The following RUNX3 variants were observed in gnomAD, a reference collection of about 807,000 sequenced individuals.
RUNX3 encodes the protein RUNX family transcription factor 3.
A neutral mutation model predicts 27.7 loss-of-function variants in RUNX3; 10 were observed. The ratio of observed to expected loss-of-function variants is 0.36; its 90% CI spans 0.22 to 0.61. The LOEUF (loss-of-function observed/expected upper bound fraction) is 0.61. Among genes scored for constraint, RUNX3 ranks in the 20% least tolerant of loss-of-function variants. The pLI is 0.72. For missense variants in RUNX3, 469 were observed against 629.5 expected, an observed-to-expected ratio of 0.75 and a Z score of 2.73; for synonymous variants, 270 against 269.2, an observed-to-expected ratio of 1.00 and a Z score of -0.03.
intron 2 of RUNX3, among the ~76,000 whole-genome samples, chr1:24,951,588 G>T (rs1641768157): frequency 6.6e-6 from 1 of 152,214 alleles, no homozygotes; most frequent in Non-Finnish European, 1.5e-5. Context: ...AGTCGCTCCA[G>T]CCTCTCTAGG....
At chr1:24,958,952 A>T (rs1277331613) in intron 2 of RUNX3, among the ~76,000 whole-genome samples, 1 of 152,140 alleles carries the variant, frequency 6.6e-6, no homozygotes, top group Non-Finnish European at 1.5e-5. Context: ...TGGCAATAAG[A>T]GCTGGTGTTG....
At chr1:24,908,177 G>C (rs111733290) in intron 3 of RUNX3, among the ~76,000 whole-genome samples, 37,389 of 63,034 alleles carry the variant, frequency 0.59, 10,289 homozygotes, top group African/African-American at 0.75. Flanking sequence ...GTGATCCGAA[G>C]CTCTACGACA....
At position 24,907,285 on chromosome 1, in the gene RUNX3, C is replaced by G. The variant is rs1240368756; in HGVS notation, c.677G>C (p.Ser226Thr). ...TTGGATTGGGGTCTGGGGCTGGCTGCTGAAGTGGCTTGTGGTGCTGAGTGA... is the reference window on the plus strand; with the variant it reads ...TTGGATTGGGGTCTGGGGCTGGCTGGTGAAGTGGCTTGTGGTGCTGAGTGA... ...RGSLSTTSHF[S>T]SQPQTPIQGT... The change falls in exon 4 of 5, where the codon AGC becomes ACC. Residue 226 changes from serine (S) to threonine (T), a missense_variant. Around this residue, in one of 3 missense-constraint regions of RUNX3, gnomAD observed 279 missense variants for 343.0 expected, o/e 0.81. Transcript: ENST00000308873. 2 of 1,612,476 alleles carry G rather than the reference C, an allele frequency of 1.2e-6. No individual in the cohort carries two copies. The highest frequency in any genetic ancestry group is 2.7e-5 in the African/African-American group (2 of 74,914).
chr1:24,945,688 T>A (rs1455381563), intron 2 of RUNX3, among the ~76,000 whole-genome samples: 2 of 152,210 alleles, frequency 1.3e-5, no homozygotes, highest in Non-Finnish European at 2.9e-5. Context: ...TCTAATGTTA[T>A]CTCCCTACCC....
At position 24,962,898 on chromosome 1, in the gene RUNX3, C is replaced by T. The variant is rs893883628; in HGVS notation, c.58+1616G>A. The T allele has an allele frequency of 3.3e-5, 5 of 152,236 alleles. No homozygotes were observed. Among genetic ancestry groups the T allele is most frequent in the African/African-American group, 1.2e-4 (5 of 41,450 alleles). The allele number at this position is 152,236 out of a possible 1,614,324, so 9.4% of individuals were successfully genotyped here. On this transcript the variant is annotated intron_variant, in intron 2 of 6. Transcript: ENST00000338888. This position sits in a 1 kb window ranked among gnomAD's most constrained non-coding sequence, Gnocchi z 4.5. ...TGTTTTAAACCCTACATTTCTCCAT[C>T]TTGCGCACGGAAGGAGAAATACAGA...
At chr1:24,961,033 C>G (rs1009734466) in intron 2 of RUNX3, among the ~76,000 whole-genome samples, 1 of 152,194 alleles carries the variant, frequency 6.6e-6, no homozygotes, top group Non-Finnish European at 1.5e-5. Flanking sequence ...CTCTTCTCAC[C>G]TCCTGCTCAC....
chr1:24,909,760 C>A (rs928888485), intron 3 of RUNX3, among the ~76,000 whole-genome samples: 1 of 152,220 alleles, frequency 6.6e-6, no homozygotes. Flanking sequence ...CAGGGCTGAC[C>A]CGAGGAAAGG....
intron 3 of RUNX3, among the ~76,000 whole-genome samples, chr1:24,914,669 G>C (rs1486399996): frequency 6.6e-6 from 1 of 152,104 alleles, no homozygotes; most frequent in Non-Finnish European, 1.5e-5. Context: ...GGCAGACTCC[G>C]CTAGCCCTGC....
intron 2 of RUNX3, among the ~76,000 whole-genome samples, chr1:24,958,829 G>A (rs550702693): frequency 6.6e-6 from 1 of 152,228 alleles, no homozygotes; most frequent in Non-Finnish European, 1.5e-5. Context: ...AGCAGAGGGG[G>A]TGTTTGGGTT....
intron 2 of RUNX3, among the ~76,000 whole-genome samples, chr1:24,936,527 A>C (rs916807827): frequency 5.9e-5 from 9 of 152,212 alleles, no homozygotes; most frequent in Non-Finnish European, 1.3e-4. Context: ...GGGCTCTGAG[A>C]TATCAAATCC....
intron 2 of RUNX3, among the ~76,000 whole-genome samples, chr1:24,939,695 C>T (rs1270624467): frequency 1.3e-5 from 2 of 152,378 alleles, no homozygotes; most frequent in Admixed American, 1.3e-4. Context: ...GGTTTGCCCC[C>T]CTGGGGCTTC....
chr1:24,906,656 T>C (rs1640669956), intron 4 of RUNX3, among the ~76,000 whole-genome samples: 1 of 152,204 alleles, frequency 6.6e-6, no homozygotes, highest in South Asian at 2.1e-4. Context: ...AGACCCCAGC[T>C]CGGTCTTCCC....
Position 24,902,877 on chromosome 1 carries a change from C to T in RUNX3, c.704-211G>A, listed in dbSNP as rs968942663. On this transcript the variant is annotated intron_variant, in intron 4 of 4. Transcript: ENST00000308873. This position sits in a 1 kb window ranked among gnomAD's most constrained non-coding sequence, Gnocchi z 9.2. ...CCGGGAAGCTGGTTGGAGCGTGCCC[C>T]GGGCCAAGAGGGGCCATGGGAGCCC... 6.6e-6 allele frequency among the ~76,000 whole-genome samples: 1 copy of T among 151,636 alleles called. No homozygotes were observed. Among genetic ancestry groups the T allele is most frequent in the African/African-American group, 2.4e-5 (1 of 41,410 alleles).
At chr1:24,964,734 T>C (rs544759394) in intron 1 of RUNX3, 16 of 1,445,860 alleles carry the variant, frequency 1.1e-5, no homozygotes, top group East Asian at 1.0e-4. Flanking sequence ...GTCTCTTTTT[T>C]CCCCCCTGCT....
At position 24,964,037 on chromosome 1, in the gene RUNX3, C is replaced by G. The variant is rs1048682955; in HGVS notation, c.58+477G>C. ...CCTTCTCCTCCCTCTGCTTCTGATACCCCAGGAGTTACACACAAAATGTTG... is the reference window on the plus strand; with the variant it reads ...CCTTCTCCTCCCTCTGCTTCTGATAGCCCAGGAGTTACACACAAAATGTTG... On this transcript the variant is annotated intron_variant, in intron 2 of 6. Coordinates refer to the RUNX3 transcript ENST00000338888. 2.6e-5 allele frequency among the ~76,000 whole-genome samples: 4 copies of G among 152,216 alleles called. No individual in the cohort carries two copies. The East Asian group carries it at 7.7e-4, about 29-fold the overall frequency.
At position 24,901,812 on chromosome 1, in the gene RUNX3, C is replaced by G; in HGVS notation, c.*310G>C. 2 of 391,858 alleles carry G rather than the reference C, an allele frequency of 5.1e-6. No individual in the cohort carries two copies. Among genetic ancestry groups the G allele is most frequent in the Non-Finnish European group, 9.3e-6 (2 of 214,980 alleles). 24.3% of individuals were successfully genotyped at this position (391,858 alleles called of 1,614,324 possible). A position where few individuals can be genotyped will look rare whatever the true frequency, so the allele number is the denominator to read the frequency against. On this transcript the variant is annotated 3_prime_UTR_variant, in exon 5 of 5. Transcript: ENST00000308873. ...GGGTCCCATGCAGCACTGGGCATAGCTGGAGACAGTGAGGTCCTTCCGGGG... is the reference window on the plus strand; with the variant it reads ...GGGTCCCATGCAGCACTGGGCATAGGTGGAGACAGTGAGGTCCTTCCGGGG...
chr1:24,927,459 CAG>C lies in RUNX3; in HGVS notation c.439+113_439+114del, dbSNP rs937734050. 17 of 976,056 alleles carry C rather than the reference CAG, an allele frequency of 1.7e-5. No homozygotes were observed. In the African/African-American group the frequency reaches 1.8e-4, roughly 10 times the overall value. The allele number at this position is 976,056 out of a possible 1,614,324, so 60.5% of individuals were successfully genotyped here. A position where few individuals can be genotyped will look rare whatever the true frequency, so the allele number is the denominator to read the frequency against. On this transcript the variant is annotated intron_variant, in intron 2 of 4. Transcript: ENST00000308873. The surrounding 1 kb of genome is among the most constrained non-coding windows in gnomAD (Gnocchi z 5.0). Reference sequence around the variant, plus strand: ...AGGATTACAAATTGCTGTTTTTAGACAGAGCTGCATCTGGAGACCTGTTTTTC... The same window carrying C: ...AGGATTACAAATTGCTGTTTTTAGACAGCTGCATCTGGAGACCTGTTTTTC...
At position 24,904,723 on chromosome 1, in the gene RUNX3, C is replaced by A. The variant is rs936319869; in HGVS notation, c.704-2057G>T. Among the ~76,000 whole-genome samples, 1 of 152,100 alleles carries A rather than the reference C, an allele frequency of 6.6e-6. No individual in the cohort carries two copies. On this transcript the variant is annotated intron_variant, in intron 4 of 4. Coordinates refer to ENST00000308873, the MANE Select transcript of RUNX3 (RefSeq NM_004350.3). This position sits in a 1 kb window ranked among gnomAD's most constrained non-coding sequence, Gnocchi z 5.7. ...CTCACGCGGGCTGCAGGGCGCTGGG[C>A]TGGGCCTCCCTGGACCTGCCACCAT...
intron 2 of RUNX3, among the ~76,000 whole-genome samples, chr1:24,950,751 C>T (rs999909045): frequency 2.0e-5 from 3 of 152,118 alleles, no homozygotes; most frequent in Non-Finnish European, 4.4e-5. Context: ...GGGCACCTGA[C>T]GGGAATACCA....
Sources: gnomAD v4.1 joint callset for allele counts (sites outside exome capture counted in the v4.1 genomes callset) on GRCh38, gnomAD v4.1.1 for gene constraint, gnomAD v4.1.1 regional missense constraint, Gnocchi (gnomAD v3.1) non-coding constraint, MANE v1.5 for transcripts, NCBI Gene and HGNC (gene_info 2026-07-23, HGNC 2026-07-21) for gene names.